The following CFAP58 variants were observed in gnomAD, a reference collection of about 807,000 sequenced individuals.
CFAP58 encodes cilia- and flagella-associated protein 58.
CFAP58 carries 88 observed loss-of-function variants against 119.5 expected under a neutral mutation model. The observed-to-expected ratio is 0.74, with a 90% confidence interval of 0.62 to 0.88. The LOEUF (loss-of-function observed/expected upper bound fraction) is 0.88. CFAP58 is among the 40% of genes least tolerant of loss of function. The pLI, the probability that CFAP58 is intolerant of heterozygous loss-of-function variation, is 0.00. For missense variants in CFAP58, 990 were observed against 1,021.2 expected, an observed-to-expected ratio of 0.97 and a Z score of 0.42; for synonymous variants, 365 against 366.3, an observed-to-expected ratio of 1.00 and a Z score of 0.04.
rs2013172248 is a variant in CFAP58, at chr10:104,450,150, T to C, written c.2456T>C (p.Leu819Pro). Residue 819 changes from leucine to proline, a missense_variant, in exon 17 of 18, where the codon CTC becomes CCC. Transcript: ENST00000369704. ...KYEVEKLTNE[L>P]QNLKKKYLAQ... ...GAGGTAGAGAAACTTACCAATGAGC[T>C]CCAGAATTTAAAGAAGAAATACCTC... 2 of 1,613,568 alleles carry C rather than the reference T, an allele frequency of 1.2e-6. No homozygotes were observed. The highest frequency in any genetic ancestry group is 1.7e-6 in the Non-Finnish European group (2 of 1,179,736).
rs2011752105 is a variant in CFAP58, at chr10:104,380,061, G to A, written c.1206G>A (p.Lys402=). The change falls in exon 9 of 18, where the codon AAG becomes AAA. Residue 402 remains lysine (K), a synonymous_variant. Transcript: ENST00000369704. ...TTAAGGCGGTCAATGCGACCCAGAA[G>A]CAGACAGACTTGGTAAAGCTCCATG... ...NMLKAVNATQ[K]QTDLVKLHEQ... is the part of the protein sequence containing the mutation. The A allele has an allele frequency of 1.9e-6, 3 of 1,613,986 alleles. No homozygotes were observed. Among genetic ancestry groups the A allele is most frequent in the South Asian group, 2.2e-5 (2 of 91,082 alleles).
intron 15 of CFAP58, among the ~76,000 whole-genome samples, chr10:104,434,648 T>A (rs144397992): frequency 5.8e-4 from 88 of 152,330 alleles, no homozygotes; most frequent in Admixed American, 1.4e-3. Flanking sequence ...TTCAGCCAGG[T>A]GACCTTTGGA....
rs2013252733 is a variant in CFAP58, at chr10:104,454,678, A to G, written c.*148A>G. 6 of 623,274 alleles carry G rather than the reference A, an allele frequency of 9.6e-6. No individual in the cohort carries two copies. The highest frequency in any genetic ancestry group is 5.5e-5 in the African/African-American group (3 of 54,226). 38.6% of individuals were successfully genotyped at this position (623,274 alleles called of 1,614,324 possible). A position where few individuals can be genotyped will look rare whatever the true frequency, so the allele number is the denominator to read the frequency against. On this transcript the variant is annotated 3_prime_UTR_variant, in exon 18 of 18. Transcript: ENST00000369704. ...GCAGAACTATCATAGTCACATACAT[A>G]TAAGAGGGATGGTGTTTTGTCTGGT...
chr10:104,439,960 C>T (rs1398347280), intron 15 of CFAP58, among the ~76,000 whole-genome samples: 3 of 152,178 alleles, frequency 2.0e-5, no homozygotes, highest in Non-Finnish European at 4.4e-5. Flanking sequence ...GCTGGGACTA[C>T]AGGCGCCCGC....
chr10:104,346,745 C>G, the CFAP58 span, among the ~76,000 whole-genome samples: 7 of 149,382 alleles, frequency 4.7e-5, no homozygotes, highest in African/African-American at 1.5e-4. Context: ...AAGTGATTCT[C>G]CTGCCTCAGC....
At chr10:104,366,720 T>C (rs749714184) in intron 5 of CFAP58, among the ~76,000 whole-genome samples, 8 of 152,184 alleles carry the variant, frequency 5.3e-5, no homozygotes, top group Non-Finnish European at 1.2e-4. Context: ...GATGCCATAT[T>C]AGCACAGACA....
chr10:104,366,507 G>A (rs1278005848), intron 5 of CFAP58, among the ~76,000 whole-genome samples: 1 of 152,110 alleles, frequency 6.6e-6, no homozygotes, highest in Non-Finnish European at 1.5e-5. Flanking sequence ...TATTCTTTGT[G>A]TCTAACTTCT....
intron 10 of CFAP58, among the ~76,000 whole-genome samples, chr10:104,392,902 A>C (rs919557932): frequency 6.6e-6 from 1 of 152,056 alleles, no homozygotes; most frequent in Non-Finnish European, 1.5e-5. Context: ...TGGCCTCCCA[A>C]AGTGCTGGGA....
At chr10:104,410,480 T>G (rs74157103) in intron 15 of CFAP58, among the ~76,000 whole-genome samples, 5,435 of 152,304 alleles carry the variant, frequency 0.036, 256 homozygotes, top group African/African-American at 0.11. Flanking sequence ...AAAAATGTTT[T>G]TAATTTGGCC....
At chr10:104,367,617 G>A (rs2014769823) in intron 5 of CFAP58, among the ~76,000 whole-genome samples, 1 of 152,040 alleles carries the variant, frequency 6.6e-6, no homozygotes, top group Non-Finnish European at 1.5e-5. Flanking sequence ...TAGCATAACT[G>A]GTTACATTTT....
intron 1 of CFAP58, 149 bp from the exon 2 acceptor site, chr10:104,358,192 C>T (rs1248196345): frequency 1.4e-6 from 1 of 700,010 alleles, no homozygotes; most frequent in Middle Eastern, 3.7e-4. Context: ...AGGACCTTTC[C>T]TGTCATATAA....
rs76396185 is a variant in CFAP58 at position 104,433,187 on chromosome 10, G to A, written c.2257-14511G>A. 7.8e-3 allele frequency among the ~76,000 whole-genome samples: 1,194 copies of A among 152,232 alleles called. 19 individuals carry two copies. The highest frequency in any genetic ancestry group is 0.027 in the African/African-American group (1,139 of 41,536). ...TAGCTCACTGCAGCTCCAAACTTCT[G>A]GGATCAAGCCATCCACCTGCCTCAG... On this transcript the variant is annotated intron_variant, in intron 15 of 17. Transcript: ENST00000369704.
chr10:104,447,514 A>G (rs2013128565), intron 15 of CFAP58, among the ~76,000 whole-genome samples, 184 bp from the exon 16 acceptor site: 1 of 152,158 alleles, frequency 6.6e-6, no homozygotes, highest in Admixed American at 6.5e-5. Flanking sequence ...TGTTGGGGAC[A>G]TTCCCAGCCC....
intron 6 of CFAP58, 88 bp from the exon 7 acceptor site, chr10:104,370,807 T>C: frequency 8.4e-7 from 1 of 1,188,092 alleles, no homozygotes; most frequent in Non-Finnish European, 1.2e-6. Context: ...GGGAAGAATT[T>C]CCTTTTATTG....
At chr10:104,368,656 C>G in intron 6 of CFAP58, 96 bp downstream of exon 6, 1 of 1,330,630 alleles carries the variant, frequency 7.5e-7, no homozygotes, top group South Asian at 1.3e-5. Flanking sequence ...CCTGTGTTGG[C>G]TCTACTGAGT....
intron 15 of CFAP58, among the ~76,000 whole-genome samples, chr10:104,422,253 A>G (rs759070096): frequency 4.6e-5 from 7 of 152,220 alleles, no homozygotes; most frequent in Non-Finnish European, 1.0e-4. Flanking sequence ...TATAAATGAC[A>G]TAGCTTGACT....
At chr10:104,346,837 T>C in the CFAP58 span, among the ~76,000 whole-genome samples, 1 of 151,762 alleles carries the variant, frequency 6.6e-6, no homozygotes, top group Non-Finnish European at 1.5e-5. Context: ...GATTTCACCA[T>C]GTTGGCCACG....
chr10:104,407,546 G>A (rs1462209038), intron 15 of CFAP58, among the ~76,000 whole-genome samples: 1 of 152,148 alleles, frequency 6.6e-6, no homozygotes, highest in Non-Finnish European at 1.5e-5. Context: ...CATTGCACCT[G>A]ATGTTCTTAG....
chr10:104,454,068 T>A lies in CFAP58; in HGVS notation c.2511-354T>A, dbSNP rs546506310. ...ATAAATGATGAATTAGTCATTATAA[T>A]TGAGCCAAGAAAAAGATTCTTCTGA... On this transcript the variant is annotated intron_variant, in intron 17 of 17. Coordinates refer to ENST00000369704, the MANE Select transcript of CFAP58 (RefSeq NM_001008723.2). Among the ~76,000 whole-genome samples, 76 of 152,288 alleles carry A rather than the reference T, an allele frequency of 5.0e-4. No individual in the cohort carries two copies. The South Asian group carries it at 0.015, about 31-fold the overall frequency.
Sources: gnomAD v4.1 joint callset for allele counts (sites outside exome capture counted in the v4.1 genomes callset) on GRCh38, gnomAD v4.1.1 for gene constraint, MANE v1.5 for transcripts, NCBI Gene and HGNC (gene_info 2026-07-23, HGNC 2026-07-21) for gene names.